Variants in GPHN observed in about 807,000 individuals in gnomAD.
The protein encoded by GPHN is gephyrin.
GPHN carries 17 observed loss-of-function variants against 95.5 expected under a neutral mutation model. The ratio of observed to expected loss-of-function variants is 0.18; its 90% CI spans 0.12 to 0.27. The LOEUF (loss-of-function observed/expected upper bound fraction) is 0.27. Ranked by LOEUF, GPHN falls within the 10% of genes least tolerant of loss-of-function variation. The pLI, the probability that GPHN is intolerant of heterozygous loss-of-function variation, is 1.00. For synonymous variants in GPHN, 320 were observed against 322.5 expected (o/e 0.99, Z 0.08); for missense variants, 660 against 978.1 (o/e 0.67, Z 4.34).
At chr14:67,083,375 C>T (rs1250016433) in intron 11 of GPHN, among the ~76,000 whole-genome samples, 1 of 152,044 alleles carries the variant, frequency 6.6e-6, no homozygotes, top group Non-Finnish European at 1.5e-5. Context: ...GTGGCACCTG[C>T]CCCCTCTCTC....
At chr14:67,516,062 A>G in the GPHN span, among the ~76,000 whole-genome samples, 1 of 152,254 alleles carries the variant, frequency 6.6e-6, no homozygotes, top group African/African-American at 2.4e-5. Context: ...TATCATCTGG[A>G]AACTCTGGAA....
chr14:67,050,149 C>T (rs1375021667), intron 10 of GPHN, among the ~76,000 whole-genome samples: 2 of 152,148 alleles, frequency 1.3e-5, no homozygotes, highest in African/African-American at 4.8e-5. Context: ...TATCTCAAAA[C>T]ATCATGGTAT....
At chr14:67,098,714 C>T (rs1372892921) in intron 12 of GPHN, among the ~76,000 whole-genome samples, 4 of 151,674 alleles carry the variant, frequency 2.6e-5, no homozygotes, top group African/African-American at 9.7e-5. Flanking sequence ...CCCAGCTACT[C>T]AGGAGGCTGA....
the GPHN span, among the ~76,000 whole-genome samples, chr14:67,287,309 T>C: frequency 6.6e-6 from 1 of 151,884 alleles, no homozygotes; most frequent in Non-Finnish European, 1.5e-5. Context: ...TTCCTTAGTT[T>C]TTTTTTTCCA....
At chr14:67,355,248 G>A in the GPHN span, among the ~76,000 whole-genome samples, 7 of 151,680 alleles carry the variant, frequency 4.6e-5, no homozygotes, top group African/African-American at 1.5e-4. Context: ...AATGACATAC[G>A]TAAGATTCCT....
chr14:66,693,056 A>T (rs904898617), intron 2 of GPHN, among the ~76,000 whole-genome samples: 2 of 151,982 alleles, frequency 1.3e-5, no homozygotes, highest in Non-Finnish European at 2.9e-5. Context: ...AGCCCACTAC[A>T]TATTAAAATA....
At chr14:67,515,390 C>G in the GPHN span, 1 of 177,638 alleles carries the variant, frequency 5.6e-6, no homozygotes. Flanking sequence ...CGCCGCTGCC[C>G]GGGAGGAAAG....
the GPHN span, among the ~76,000 whole-genome samples, chr14:67,399,742 G>A: frequency 0.12 from 17,614 of 142,402 alleles, 2,916 homozygotes; most frequent in East Asian, 0.39. Flanking sequence ...CAGGTGGCAG[G>A]AATAAAGAGA....
chr14:66,899,042 A>G (rs976713413), intron 5 of GPHN, among the ~76,000 whole-genome samples: 1 of 151,512 alleles, frequency 6.6e-6, no homozygotes, highest in African/African-American at 2.4e-5. Context: ...ATATAGAAAT[A>G]CAATTAATTC....
chr14:66,653,372 T>A (rs969237029), intron 1 of GPHN, among the ~76,000 whole-genome samples: 1 of 152,208 alleles, frequency 6.6e-6, no homozygotes, highest in Non-Finnish European at 1.5e-5. Context: ...ATTTTTTAAT[T>A]AAACTTTTTA....
At chr14:67,662,964 CCA>C in the GPHN span, 8 of 1,358,266 alleles carry the variant, frequency 5.9e-6, no homozygotes, top group African/African-American at 9.0e-5. Flanking sequence ...CTCACCACTC[CCA>C]CAGTGAACCA....
At chr14:66,616,733 T>G (rs750797493) in intron 1 of GPHN, among the ~76,000 whole-genome samples, 1 of 151,294 alleles carries the variant, frequency 6.6e-6, no homozygotes, top group Non-Finnish European at 1.5e-5. Context: ...TTAGACGGAG[T>G]CTCGCTATGT....
intron 1 of GPHN, among the ~76,000 whole-genome samples, chr14:66,521,035 A>AT (rs950447418): frequency 5.9e-5 from 9 of 151,840 alleles, no homozygotes; most frequent in African/African-American, 9.7e-5. Flanking sequence ...ACATGATCTC[A>AT]TTTTTTTTAT....
At chr14:67,137,225 A>C (rs953979632) in intron 17 of GPHN, among the ~76,000 whole-genome samples, 19 of 151,028 alleles carry the variant, frequency 1.3e-4, no homozygotes, top group Non-Finnish European at 2.2e-4. Flanking sequence ...TGCTCACTGC[A>C]GGCTCCACCT....
the GPHN span, among the ~76,000 whole-genome samples, chr14:67,216,194 A>C: frequency 6.6e-6 from 1 of 152,124 alleles, no homozygotes; most frequent in Non-Finnish European, 1.5e-5. Flanking sequence ...TTTACATTAC[A>C]TTAAGATTTA....
chr14:66,923,629 T>C (rs1161574701), intron 7 of GPHN, among the ~76,000 whole-genome samples: 1 of 152,160 alleles, frequency 6.6e-6, no homozygotes, highest in Non-Finnish European at 1.5e-5. Flanking sequence ...TCTTCATACC[T>C]ACTAAAGTCA....
At position 67,044,067 on chromosome 14, in the gene GPHN, G is replaced by T. The variant is rs572371431; in HGVS notation, c.1007-14582G>T. ...TTTGTGTTTCTGTGGAATTAGTGGT[G>T]ATATCCCCCATATCATCCTAGCACT... On this transcript the variant is annotated intron_variant, in intron 10 of 22. Coordinates refer to ENST00000478722, the MANE Select transcript of GPHN (RefSeq NM_020806.5). 2.0e-5 allele frequency among the ~76,000 whole-genome samples: 3 copies of T among 152,204 alleles called. No homozygotes were observed. In the South Asian group the frequency reaches 6.2e-4, roughly 32 times the overall value.
intron 8 of GPHN, among the ~76,000 whole-genome samples, chr14:66,951,469 T>G (rs1037255049): frequency 2.1e-5 from 3 of 141,004 alleles, no homozygotes; most frequent in Non-Finnish European, 3.0e-5. Context: ...TAAGCCAAGA[T>G]CGCACCACTG....
chr14:67,319,610 TAAAAAAAAAA>T, the GPHN span, among the ~76,000 whole-genome samples: 1 of 128,608 alleles, frequency 7.8e-6, no homozygotes, highest in African/African-American at 2.7e-5. Context: ...GCTGATGAGC[TAAAAAAAAAA>T]AAAAAAAAAT....
Sources: gnomAD v4.1 joint callset for allele counts (sites outside exome capture counted in the v4.1 genomes callset) on GRCh38, gnomAD v4.1.1 for gene constraint, MANE v1.5 for transcripts, NCBI Gene and HGNC (gene_info 2026-07-23, HGNC 2026-07-21) for gene names.